The following OR2L5 variants were observed in gnomAD, a reference collection of about 807,000 sequenced individuals.
OR2L5 encodes the protein olfactory receptor 2L5.
For missense variants in OR2L5, 413 were observed against 381.6 expected (o/e 1.08, Z -0.69); for synonymous variants, 169 against 142.0 (o/e 1.19, Z -1.35).
chr1:248,014,074 T>A (rs576505221), intron 1 of OR2L5, among the ~76,000 whole-genome samples: 2 of 152,286 alleles, frequency 1.3e-5, no homozygotes, highest in South Asian at 4.1e-4. Context: ...GGGCAGCATT[T>A]CCTCATTTGT....
chr1:248,020,761 AT>A (rs536103027), intron 1 of OR2L5, among the ~76,000 whole-genome samples: 6 of 152,000 alleles, frequency 3.9e-5, no homozygotes, highest in Admixed American at 2.0e-4. Context: ...TGGAATTATT[AT>A]TTTTTTATAT....
At chr1:248,020,951 A>G (rs1252841343) in intron 1 of OR2L5, among the ~76,000 whole-genome samples, 1 of 151,804 alleles carries the variant, frequency 6.6e-6, no homozygotes, top group Non-Finnish European at 1.5e-5. Flanking sequence ...AGACAATTCA[A>G]GAAGGAAATA....
rs1413711798 is a variant in OR2L5, at chr1:248,019,073, A to T, written c.-21-2854A>T. Among the ~76,000 whole-genome samples the T allele has an allele frequency of 2.6e-5, 4 of 152,100 alleles. No individual in the cohort carries two copies. In the South Asian group the frequency reaches 6.2e-4, roughly 24 times the overall value. On this transcript the variant is annotated intron_variant, in intron 1 of 1. Transcript: ENST00000355281. ...GGACACTTGTTTCTGCCTTTGGGGT[A>T]TTGTGATAATACTGCTGTGAATGTG...
At position 248,022,046 on chromosome 1, in the gene OR2L5, T is replaced by C; in HGVS notation, c.99T>C (p.Ile33=). The change falls in exon 2 of 2, where the codon ATT becomes ATC. Residue 33 remains isoleucine, a synonymous_variant. Coordinates refer to ENST00000355281, the MANE Select transcript of OR2L5 (RefSeq NM_001258284.2). ...GLFLFILFVL[I]FLMALIGNLS... is the part of the protein sequence containing the mutation. Reference sequence around the variant, plus strand: ...TCCTCTTCATTCTCTTTGTTCTCATTTTCCTAATGGCTCTAATTGGAAACC... The same window carrying C: ...TCCTCTTCATTCTCTTTGTTCTCATCTTCCTAATGGCTCTAATTGGAAACC... 6.2e-7 allele frequency: 1 copy of C among 1,613,980 alleles called. No individual in the cohort carries two copies. Among genetic ancestry groups the C allele is most frequent in the South Asian group, 1.1e-5 (1 of 91,070 alleles).
rs181817515 is a variant in OR2L5 at position 248,021,981 on chromosome 1, A to C, written c.34A>C (p.Ile12Leu). The change falls in exon 2 of 2, where the codon ATC becomes CTC. Residue 12 changes from isoleucine (I) to leucine (L), a missense_variant. Transcript: ENST00000355281. ...ENYNQTSTDF[I>L]LLGLFPPSKI... ...TTACAATCAAACGTCAACTGATTTC[A>C]TCTTATTGGGGCTGTTCCCACCATC... 1,659 of 1,613,720 alleles carry C rather than the reference A, an allele frequency of 1.0e-3. 17 individuals are homozygous for C. Among genetic ancestry groups the C allele is most frequent in the Non-Finnish European group, 3.5e-4 (418 of 1,179,804 alleles).
At chr1:248,014,485 C>A (rs1277928273) in intron 1 of OR2L5, among the ~76,000 whole-genome samples, 2 of 151,756 alleles carry the variant, frequency 1.3e-5, no homozygotes, top group East Asian at 1.9e-4. Flanking sequence ...TTATTTTTTT[C>A]TTTTGGTACA....
In OR2L5 at chr1:248,022,632, T is replaced by G. The variant is rs1477074966; in HGVS notation, c.685T>G (p.Ser229Ala). 7 of 1,614,068 alleles carry G rather than the reference T, an allele frequency of 4.3e-6. No individual in the cohort carries two copies. Among genetic ancestry groups the G allele is most frequent in the African/African-American group, 2.7e-5 (2 of 74,940 alleles). ...WVLLAVYRMH[S>A]AEGRKKAYST... The stretch of plus-strand genomic sequence containing the variant: ...TCTCCTTGCTGTCTACCGCATGCAC[T>G]CTGCAGAAGGGAGGAAAAAGGCCTA... Residue 229 changes from serine (S) to alanine (A), a missense_variant, in exon 2 of 2, where the codon TCT (serine) becomes GCT (alanine). Physicochemically the swap from Ser to Ala is moderately conservative, Grantham distance 99 (BLOSUM62 1). Transcript: ENST00000355281.
intron 1 of OR2L5, among the ~76,000 whole-genome samples, chr1:248,020,898 A>C (rs1462745161): frequency 6.6e-6 from 1 of 151,416 alleles, no homozygotes; most frequent in South Asian, 2.1e-4. Context: ...TATGGGACCA[A>C]CATGGCACAT....
chr1:248,018,477 A>G (rs1310251451), intron 1 of OR2L5, among the ~76,000 whole-genome samples: 1 of 152,224 alleles, frequency 6.6e-6, no homozygotes, highest in Non-Finnish European at 1.5e-5. Flanking sequence ...TCCAAATGAC[A>G]TATATGAAAA....
chr1:248,013,950 G>A (rs1034981346), intron 1 of OR2L5, among the ~76,000 whole-genome samples: 2 of 151,948 alleles, frequency 1.3e-5, no homozygotes, highest in Non-Finnish European at 2.9e-5. Flanking sequence ...TGTGTTTCCC[G>A]GATTGGAAGG....
chr1:248,016,584 TAA>T (rs1225862739), intron 1 of OR2L5, among the ~76,000 whole-genome samples: 1 of 152,110 alleles, frequency 6.6e-6, no homozygotes, highest in African/African-American at 2.4e-5. Flanking sequence ...TGTATTTCAG[TAA>T]ATTTAACCTC....
At chr1:248,018,167 A>AAAC (rs539039226) in intron 1 of OR2L5, among the ~76,000 whole-genome samples, 37 of 151,068 alleles carry the variant, frequency 2.4e-4, no homozygotes, top group African/African-American at 8.9e-4. Context: ...AAATAAAAAA[A>AAAC]AAAATTCGTT....
chr1:248,018,828 G>C (rs1662269718), intron 1 of OR2L5, among the ~76,000 whole-genome samples: 1 of 151,974 alleles, frequency 6.6e-6, no homozygotes, highest in Non-Finnish European at 1.5e-5. Context: ...GGTCCCCTGG[G>C]GTCCAGCATT....
At chr1:248,017,971 G>A (rs1239126045) in intron 1 of OR2L5, among the ~76,000 whole-genome samples, 1 of 151,822 alleles carries the variant, frequency 6.6e-6, no homozygotes, top group African/African-American at 2.4e-5. Context: ...GTGAAACCCC[G>A]TCTCTACTAA....
intron 1 of OR2L5, among the ~76,000 whole-genome samples, chr1:248,016,814 G>A (rs1483579447): frequency 1.3e-5 from 2 of 151,850 alleles, no homozygotes; most frequent in Non-Finnish European, 1.5e-5. Flanking sequence ...TGTAAATATA[G>A]GCATATGTGT....
chr1:248,021,496 C>T (rs112203682), intron 1 of OR2L5, among the ~76,000 whole-genome samples: 1,856 of 152,254 alleles, frequency 0.012, 28 homozygotes, highest in African/African-American at 0.042. Flanking sequence ...CAAATGAACA[C>T]TTCATAAATT....
At chr1:248,019,123 T>A (rs990542422) in intron 1 of OR2L5, among the ~76,000 whole-genome samples, 1 of 152,174 alleles carries the variant, frequency 6.6e-6, no homozygotes, top group African/African-American at 2.4e-5. Context: ...TTTCTGAGGG[T>A]CTTATTTCTT....
At chr1:248,014,741 T>C (rs1056672159) in intron 1 of OR2L5, among the ~76,000 whole-genome samples, 3 of 152,142 alleles carry the variant, frequency 2.0e-5, no homozygotes, top group Non-Finnish European at 4.4e-5. Flanking sequence ...AGTCAAGTAA[T>C]ACACGGTCAC....
intron 1 of OR2L5, among the ~76,000 whole-genome samples, chr1:248,014,064 G>C (rs1662136008): frequency 6.6e-6 from 1 of 152,032 alleles, no homozygotes; most frequent in Non-Finnish European, 1.5e-5. Context: ...TTATCATAGA[G>C]GGCAGCATTT....
Sources: allele counts gnomAD v4.1 joint callset (sites outside exome capture counted in the v4.1 genomes callset), GRCh38; gene constraint gnomAD v4.1.1; transcripts MANE v1.5; gene names NCBI Gene and HGNC (gene_info 2026-07-23, HGNC 2026-07-21).